Variants in RETN observed in about 807,000 individuals in gnomAD.
RETN encodes resistin, also known as C/EBP-epsilon regulated myeloid-specific secreted cysteine-rich protein precursor 1.
In RETN, 5 loss-of-function variants were observed where a neutral mutation model predicts 6.1. The ratio of observed to expected loss-of-function variants is 0.82; its 90% CI spans 0.43 to 1.73. RETN has a LOEUF of 1.73. Ranked by LOEUF, RETN falls within the 40% of genes most tolerant of loss-of-function variation. RETN has a pLI of 0.02. For synonymous variants in RETN, 62 were observed against 59.2 expected (o/e 1.05, Z -0.22); for missense variants, 168 against 142.5 (o/e 1.18, Z -0.91).
Position 7,670,280 on chromosome 19 carries a change from G to C in RETN, c.258G>C (p.Glu86Asp), listed in dbSNP as rs1003647508. 3 of 1,595,694 alleles carry C rather than the reference G, an allele frequency of 1.9e-6. No individual in the cohort carries two copies. The highest frequency in any genetic ancestry group is 1.7e-5 in the Admixed American group (1 of 58,886). ...SACGSWDVRA[E>D]TTCHCQCAGM... ...GTGGCTCGTGGGATGTGCGCGCCGA[G>C]ACCACATGTCACTGCCAGTGCGCGG... The change falls in exon 4 of 4, where the codon GAG (glutamate) becomes GAC (aspartate). Residue 86 changes from glutamate to aspartate, a missense_variant. By Grantham distance (45) the Glu-to-Asp change is conservative. Coordinates refer to ENST00000221515, the MANE Select transcript of RETN (RefSeq NM_020415.4).
At chr19:7,669,620 T>C (rs187241612) in intron 2 of RETN, among the ~76,000 whole-genome samples, 176 bp downstream of exon 2, 223 of 152,100 alleles carry the variant, frequency 1.5e-3, no homozygotes, top group African/African-American at 4.7e-3. Context: ...CCCCACCTTA[T>C]CCACGGCTCC....
intron 1 of RETN, 76 bp downstream of exon 1, chr19:7,669,197 T>C: frequency 1.4e-6 from 1 of 725,798 alleles, no homozygotes; most frequent in Non-Finnish European, 2.4e-6. Context: ...TCCATCCCTG[T>C]CCCCCACATG....
In RETN at chr19:7,669,412, A is replaced by G. The variant is rs148211219; in HGVS notation, c.86A>G (p.Asn29Ser). 9 of 1,613,904 alleles carry G rather than the reference A, an allele frequency of 5.6e-6. No individual in the cohort carries two copies. The highest frequency in any genetic ancestry group is 1.6e-4 in the Middle Eastern group (1 of 6,062). Residue 29 changes from asparagine (N) to serine (S), a missense_variant, in exon 2 of 4, where the codon AAT becomes AGT. Asn to Ser is a conservative substitution (Grantham distance 46). Transcript: ENST00000221515. ...KTLCSMEEAI[N>S]ERIQEVAGSL... is the part of the protein sequence containing the mutation. ...CTGTGCTCCATGGAAGAAGCCATCA[A>G]TGAGAGGATCCAGGAGGTCGCCGGC...
rs1450595159 is a variant in RETN, at chr19:7,670,282, C to T, written c.260C>T (p.Thr87Ile). 2 of 1,595,270 alleles carry T rather than the reference C, an allele frequency of 1.3e-6. No individual in the cohort carries two copies. Among genetic ancestry groups the T allele is most frequent in the Non-Finnish European group, 1.7e-6 (2 of 1,175,926 alleles). ...GGCTCGTGGGATGTGCGCGCCGAGA[C>T]CACATGTCACTGCCAGTGCGCGGGC... ...ACGSWDVRAE[T>I]TCHCQCAGMD... The change falls in exon 4 of 4, where the codon ACC becomes ATC. Residue 87 changes from threonine to isoleucine, a missense_variant. Transcript: ENST00000221515.
intron 3 of RETN, 112 bp from the exon 4 acceptor site, chr19:7,670,107 T>TGCCCGGGGG: frequency 1.5e-6 from 1 of 651,070 alleles, no homozygotes; most frequent in Non-Finnish European, 2.7e-6. Context: ...CCTCCAGCCG[T>TGCCCGGGGG]CCCCGTCCCC....
At chr19:7,670,153 C>T (rs1476098590) in intron 3 of RETN, 66 bp from the exon 4 acceptor site, 1 of 643,530 alleles carries the variant, frequency 1.6e-6, no homozygotes, top group Non-Finnish European at 2.7e-6. Context: ...GCGCTCCCCA[C>T]CCCCCTCCCG....
At position 7,670,225 on chromosome 19, in the gene RETN, C is replaced by T; in HGVS notation, c.203C>T (p.Ala68Val). Residue 68 changes from alanine to valine, a missense_variant, in exon 4 of 4, where the codon GCC (alanine) becomes GTC (valine). Ala to Val is a moderately conservative substitution (Grantham distance 64). Coordinates refer to ENST00000221515, the MANE Select transcript of RETN (RefSeq NM_020415.4). ...GDLATCPRGF[A>V]VTGCTCGSAC... ...CCTGTGTTCCGGGCTGCAGGCTTCG[C>T]CGTCACCGGCTGCACTTGTGGCTCC... is the stretch of plus-strand genomic sequence containing the variant. 6.2e-7 allele frequency: 1 copy of T among 1,603,256 alleles called. No individual in the cohort carries two copies. The highest frequency in any genetic ancestry group is 1.1e-5 in the South Asian group (1 of 90,550).
At position 7,669,772 on chromosome 19, in the gene RETN, A is replaced by G. The variant is rs755899267; in HGVS notation, c.119-49A>G. ...AGGGCTAGGGGAGGATGGGGGAGGGACCGTTTGGTCTCACAGCTCCCCCTG... is the reference window on the plus strand; with the variant it reads ...AGGGCTAGGGGAGGATGGGGGAGGGGCCGTTTGGTCTCACAGCTCCCCCTG... On this transcript the variant is annotated intron_variant, in intron 2 of 3. Coordinates refer to ENST00000221515, the MANE Select transcript of RETN (RefSeq NM_020415.4). 5 of 1,536,482 alleles carry G rather than the reference A, an allele frequency of 3.3e-6. No homozygotes were observed. The South Asian group carries it at 4.5e-5, about 14-fold the overall frequency.
chr19:7,669,671 CA>C, intron 2 of RETN, 149 bp from the exon 3 acceptor site: 1 of 775,220 alleles, frequency 1.3e-6, no homozygotes. Flanking sequence ...TCCCTTACTC[CA>C]AAACACCCAA....
intron 3 of RETN, 60 bp from the exon 4 acceptor site, chr19:7,670,159 T>A: frequency 1.5e-5 from 8 of 541,502 alleles, no homozygotes; most frequent in Non-Finnish European, 2.0e-5. Flanking sequence ...CCCACCCCCC[T>A]CCCGCTCCCA....
chr19:7,670,140 T>A, intron 3 of RETN, 79 bp from the exon 4 acceptor site: 6 of 330,818 alleles, frequency 1.8e-5, no homozygotes, highest in Admixed American at 6.1e-5. Context: ...CCAACCCCCC[T>A]CCGCGCTCCC....
intron 2 of RETN, 93 bp downstream of exon 2, chr19:7,669,537 C>G: frequency 1.1e-6 from 1 of 909,700 alleles, no homozygotes; most frequent in South Asian, 1.3e-5. Context: ...CCCCAGCGCT[C>G]ACCAAATCTC....
chr19:7,670,311 G>T lies in RETN; in HGVS notation c.289G>T (p.Asp97Tyr). The part of the protein sequence containing the change: ...TTCHCQCAGM[D>Y]WTGARCCRVQ... Reference sequence around the variant, plus strand: ...ATGTCACTGCCAGTGCGCGGGCATGGACTGGACCGGAGCGCGCTGCTGTCG... The same window carrying T: ...ATGTCACTGCCAGTGCGCGGGCATGTACTGGACCGGAGCGCGCTGCTGTCG... The change falls in exon 4 of 4, where the codon GAC (aspartate) becomes TAC (tyrosine). Residue 97 changes from aspartate (D) to tyrosine (Y), a missense_variant. Asp to Tyr is a radical substitution (Grantham distance 160). Transcript: ENST00000221515. 1 of 1,578,424 alleles carries T rather than the reference G, an allele frequency of 6.3e-7. No homozygotes were observed. The highest frequency in any genetic ancestry group is 8.6e-7 in the Non-Finnish European group (1 of 1,167,370).
rs530367436 is a variant in RETN at position 7,670,415 on chromosome 19, G to C, written c.*66G>C. Reference sequence around the variant, plus strand: ...CCAGGTCCGGAGGGGTTGCGGGGGAGCTGGAAATAAACCTGGAGATGATGA... The same window carrying C: ...CCAGGTCCGGAGGGGTTGCGGGGGACCTGGAAATAAACCTGGAGATGATGA... On this transcript the variant is annotated 3_prime_UTR_variant, in exon 4 of 4. Coordinates refer to ENST00000221515, the MANE Select transcript of RETN (RefSeq NM_020415.4). 421 of 1,496,560 alleles carry C rather than the reference G, an allele frequency of 2.8e-4. 1 individual carries two copies. In the African/African-American group the frequency reaches 5.2e-3, roughly 18 times the overall value. The allele number at this position is 1,496,560 out of a possible 1,614,324, so 92.7% of individuals were successfully genotyped here. A position where few individuals can be genotyped will look rare whatever the true frequency, so the allele number is the denominator to read the frequency against.
Position 7,669,830 on chromosome 19 carries a change from C to T in RETN, c.128C>T (p.Ala43Val). ...TCCTCCTGCCCCCCAGTATTTAGGG[C>T]AATAAGCAGCATTGGCCTGGAGTGC... The part of the protein sequence containing the change: ...QEVAGSLIFR[A>V]ISSIGLECQS... The change falls in exon 3 of 4, where the codon GCA becomes GTA. Residue 43 changes from alanine to valine, a missense_variant. Ala to Val is a moderately conservative substitution (Grantham distance 64, BLOSUM62 0). Transcript: ENST00000221515. 6 of 1,614,094 alleles carry T rather than the reference C, an allele frequency of 3.7e-6. No homozygotes were observed. The highest frequency in any genetic ancestry group is 5.1e-6 in the Non-Finnish European group (6 of 1,179,990).
At position 7,670,255 on chromosome 19, in the gene RETN, G is replaced by T; in HGVS notation, c.233G>T (p.Cys78Phe). 1 of 1,600,470 alleles carries T rather than the reference G, an allele frequency of 6.2e-7. No individual in the cohort carries two copies. Residue 78 changes from cysteine (C) to phenylalanine (F), a missense_variant, in exon 4 of 4, where the codon TGT (cysteine) becomes TTT (phenylalanine). Coordinates refer to ENST00000221515, the MANE Select transcript of RETN (RefSeq NM_020415.4). ...AVTGCTCGSACGSWDVRAETT... is the reference protein window; with the variant it reads ...AVTGCTCGSAFGSWDVRAETT... ...ACCGGCTGCACTTGTGGCTCCGCCT[G>T]TGGCTCGTGGGATGTGCGCGCCGAG... is the stretch of plus-strand genomic sequence containing the variant.
rs1411458335 is a variant in RETN at position 7,669,056 on chromosome 19, C to G, written c.-76C>G. The G allele has an allele frequency of 2.3e-6, 1 of 444,372 alleles. No individual in the cohort carries two copies. The highest frequency in any genetic ancestry group is 4.3e-5 in the East Asian group (1 of 23,244). The allele number at this position is 444,372 out of a possible 1,614,324, so 27.5% of individuals were successfully genotyped here. A position where few individuals can be genotyped will look rare whatever the true frequency, so the allele number is the denominator to read the frequency against. On this transcript the variant is annotated 5_prime_UTR_variant, in exon 1 of 4. Transcript: ENST00000221515. Reference sequence around the variant, plus strand: ...GCCAGGAAGCCCCACCCCAAGAGGCCTCAAAGAAAGAGCTGCGGTGCAGGA... The same window carrying G: ...GCCAGGAAGCCCCACCCCAAGAGGCGTCAAAGAAAGAGCTGCGGTGCAGGA...
In RETN at chr19:7,670,320, G is replaced by C; in HGVS notation, c.298G>C (p.Gly100Arg). Residue 100 changes from glycine (G) to arginine (R), a missense_variant, in exon 4 of 4, where the codon GGA becomes CGA. Physicochemically the swap from Gly to Arg is moderately radical, Grantham distance 125. Coordinates refer to ENST00000221515, the MANE Select transcript of RETN (RefSeq NM_020415.4). ...HCQCAGMDWTGARCCRVQP is the reference protein window; with the variant it reads ...HCQCAGMDWTRARCCRVQP ...CCAGTGCGCGGGCATGGACTGGACC[G>C]GAGCGCGCTGCTGTCGTGTGCAGCC... 1 of 1,568,832 alleles carries C rather than the reference G, an allele frequency of 6.4e-7. No individual in the cohort carries two copies. The highest frequency in any genetic ancestry group is 1.2e-5 in the South Asian group (1 of 86,734).
Position 7,669,439 on chromosome 19 carries a change from C to A in RETN, c.113C>A (p.Ser38Tyr). The part of the protein sequence containing the change: ...INERIQEVAG[S>Y]LIFRAISSIG... The stretch of plus-strand genomic sequence containing the variant: ...GAGAGGATCCAGGAGGTCGCCGGCT[C>A]CCTAAGTGAGGACCCCCCACTTGGG... Residue 38 changes from serine (S) to tyrosine (Y), a missense_variant, in exon 2 of 4, where the codon TCC becomes TAC. Coordinates refer to ENST00000221515, the MANE Select transcript of RETN (RefSeq NM_020415.4). 1 of 1,612,634 alleles carries A rather than the reference C, an allele frequency of 6.2e-7. No individual in the cohort carries two copies.
Sources: allele counts gnomAD v4.1 joint callset (sites outside exome capture counted in the v4.1 genomes callset), GRCh38; gene constraint gnomAD v4.1.1; transcripts MANE v1.5; gene names NCBI Gene and HGNC (gene_info 2026-07-23, HGNC 2026-07-21).